DPPA4: variants seen among roughly 807,000 people sequenced by gnomAD.
DPPA4 encodes the protein developmental pluripotency associated 4, also known as developmental pluripotency-associated protein 4.
DPPA4 carries 22 observed loss-of-function variants against 33.7 expected under a neutral mutation model. The observed-to-expected ratio is 0.65, with a 90% CI of 0.47 to 0.93. The LOEUF (loss-of-function observed/expected upper bound fraction) is 0.93, where lower values mean the gene tolerates loss of function less well. DPPA4 is among the 40% of genes least tolerant of loss of function. The pLI, the probability that DPPA4 is intolerant of heterozygous loss-of-function variation, is 0.00. For missense variants in DPPA4, 340 were observed against 358.6 expected (o/e 0.95, Z 0.42); for synonymous variants, 156 against 132.3 (o/e 1.18, Z -1.23).
rs777601172 is a variant in DPPA4 at position 109,330,331 on chromosome 3, A to AAG, written c.679+192_679+193insCT. The AAG allele has an allele frequency of 3.1e-5, 11 of 357,424 alleles. No individual in the cohort carries two copies. In the African/African-American group the frequency reaches 6.3e-4, roughly 21 times the overall value. 22.1% of individuals were successfully genotyped at this position (357,424 alleles called of 1,614,324 possible). The stretch of plus-strand genomic sequence containing the variant: ...AAAAAAAAAAAAAAAAAAAAAAAAA[A>AAG]GGAAAAAAAAAAAAGAAATGCAAAT... On this transcript the variant is annotated intron_variant, in intron 5 of 6. Coordinates refer to ENST00000335658, the MANE Select transcript of DPPA4 (RefSeq NM_018189.4).
In DPPA4 at chr3:109,330,543, T is replaced by C. The variant is rs776736639; in HGVS notation, c.660A>G (p.Glu220=). The change falls in exon 5 of 7, where the codon GAA becomes GAG. Residue 220 remains glutamate (E), a synonymous_variant. Coordinates refer to ENST00000335658, the MANE Select transcript of DPPA4 (RefSeq NM_018189.4). ...GCTTACCAGAGGCCTCTTGTGGAGA[T>C]TCCACTGCCTCTGGTGTCCTCGCCC... is the stretch of plus-strand genomic sequence containing the variant. ...SARARTPEAV[E]SPQEASGVRW... is the part of the protein sequence containing the mutation. The C allele has an allele frequency of 6.2e-7, 1 of 1,613,874 alleles. No individual in the cohort carries two copies. The highest frequency in any genetic ancestry group is 8.5e-7 in the Non-Finnish European group (1 of 1,179,958).
At chr3:109,333,769 T>C (rs1708135537) in intron 2 of DPPA4, 101 bp downstream of exon 2, 2 of 1,419,064 alleles carry the variant, frequency 1.4e-6, no homozygotes, top group East Asian at 2.3e-5. Context: ...ATTTGCACAA[T>C]ACATGATGGA....
chr3:109,335,498 G>A (rs976009486), intron 1 of DPPA4, among the ~76,000 whole-genome samples: 2 of 152,040 alleles, frequency 1.3e-5, no homozygotes, highest in African/African-American at 4.8e-5. Context: ...GTCCAATCTC[G>A]GCTCACTGCA....
chr3:109,327,700 C>T lies in DPPA4; in HGVS notation c.*288G>A, dbSNP rs2107336095. The stretch of plus-strand genomic sequence containing the variant: ...AACAAAAAAAAGCTGCTGCTGAAGT[C>T]ATGTCTATTTTAGAAAAGTAGTATG... On this transcript the variant is annotated 3_prime_UTR_variant, in exon 7 of 7. Transcript: ENST00000335658. 3 of 290,910 alleles carry T rather than the reference C, an allele frequency of 1.0e-5. No individual in the cohort carries two copies. Among genetic ancestry groups the T allele is most frequent in the South Asian group, 7.4e-5 (1 of 13,536 alleles). 18.0% of individuals were successfully genotyped at this position (290,910 alleles called of 1,614,324 possible). A position where few individuals can be genotyped will look rare whatever the true frequency, so the allele number is the denominator to read the frequency against.
chr3:109,332,754 TC>T (rs752154349), intron 2 of DPPA4, among the ~76,000 whole-genome samples: 1 of 152,212 alleles, frequency 6.6e-6, no homozygotes, highest in Non-Finnish European at 1.5e-5. Context: ...CTGCTGTGTT[TC>T]TGTTCATCCC....
At chr3:109,330,883 C>T (rs1559708404) in intron 4 of DPPA4, 71 bp from the exon 5 acceptor site, 3 of 573,068 alleles carry the variant, frequency 5.2e-6, no homozygotes, top group Non-Finnish European at 7.1e-6. Context: ...CTAAGGAGCT[C>T]TTGATCAAAT....
At chr3:109,338,915 G>C (rs1708260971), upstream of DPPA4, among the ~76,000 whole-genome samples, 1 of 152,110 alleles carries the variant, frequency 6.6e-6, no homozygotes, top group African/African-American at 2.4e-5. Flanking sequence ...TTCTGGGCTG[G>C]GCATGGTGGC....
intron 6 of DPPA4, among the ~76,000 whole-genome samples, chr3:109,328,669 C>T (rs946912465): frequency 2.6e-5 from 4 of 152,060 alleles, no homozygotes; most frequent in African/African-American, 9.7e-5. Flanking sequence ...GTTTGTTGCT[C>T]CCAGAATTCT....
intron 4 of DPPA4, 144 bp from the exon 5 acceptor site, chr3:109,330,956 T>C (rs1253401793): frequency 1.2e-6 from 1 of 826,040 alleles, no homozygotes; most frequent in South Asian, 1.9e-5. Context: ...TAACTATACA[T>C]AGTTAATAAC....
intron 2 of DPPA4, among the ~76,000 whole-genome samples, chr3:109,332,392 C>T (rs969532405): frequency 6.6e-6 from 1 of 152,082 alleles, no homozygotes; most frequent in Non-Finnish European, 1.5e-5. Flanking sequence ...TAAGCCACCG[C>T]GCCCAGCCTA....
upstream of DPPA4, among the ~76,000 whole-genome samples, chr3:109,338,808 A>G (rs1455870178): frequency 6.6e-6 from 1 of 151,912 alleles, no homozygotes; most frequent in Non-Finnish European, 1.5e-5. Flanking sequence ...GGTAACCACC[A>G]GTAGGACTTT....
At chr3:109,337,551 T>C, upstream of DPPA4, 2 of 1,610,396 alleles carry the variant, frequency 1.2e-6, no homozygotes, top group Non-Finnish European at 1.7e-6. Flanking sequence ...AAGATTGCTA[T>C]TTGCAAAGTC....
chr3:109,328,873 A>C lies in DPPA4; in HGVS notation c.878+17T>G, dbSNP rs763556822. Reference sequence around the variant, plus strand: ...CGGCACCCACTTTTAGTTTGTAGAAAAGCATCAGGTAATTACCTGTGAACA... The same window carrying C: ...CGGCACCCACTTTTAGTTTGTAGAACAGCATCAGGTAATTACCTGTGAACA... On this transcript the variant is annotated intron_variant, in intron 6 of 6. Transcript: ENST00000335658. 16 of 1,598,212 alleles carry C rather than the reference A, an allele frequency of 1.0e-5. No homozygotes were observed. Among genetic ancestry groups the C allele is most frequent in the Non-Finnish European group, 1.4e-5 (16 of 1,169,498 alleles).
chr3:109,328,793 A>G, intron 6 of DPPA4, 97 bp downstream of exon 6: 1 of 1,120,930 alleles, frequency 8.9e-7, no homozygotes, highest in East Asian at 2.5e-5. Flanking sequence ...TTTGAGCTTG[A>G]AATACCTGGC....
At chr3:109,335,069 T>C (rs543734590) in intron 1 of DPPA4, among the ~76,000 whole-genome samples, 11 of 152,244 alleles carry the variant, frequency 7.2e-5, no homozygotes, top group Non-Finnish European at 1.5e-4. Context: ...GAAAAGTTGT[T>C]TAATCCAGAG....
At chr3:109,336,430 T>C (rs895095069) in intron 1 of DPPA4, 11 of 152,298 alleles carry the variant, frequency 7.2e-5, no homozygotes, top group Admixed American at 2.0e-4. Flanking sequence ...TGCAACGTCT[T>C]AAATCCTCTC....
At chr3:109,328,161 A>G (rs1350579154) in intron 6 of DPPA4, 137 bp from the exon 7 acceptor site, 7 of 638,472 alleles carry the variant, frequency 1.1e-5, no homozygotes, top group Non-Finnish European at 1.9e-5. Flanking sequence ...TGATCCTGTC[A>G]TTCAAGAATG....
chr3:109,330,325 A>AGG, intron 5 of DPPA4, 199 bp downstream of exon 5: 15 of 353,380 alleles, frequency 4.2e-5, no homozygotes, highest in Middle Eastern at 7.4e-4. Flanking sequence ...AAAAAAAAAA[A>AGG]AAAAAAGGAA....
At chr3:109,333,834 G>A (rs755547081) in intron 2 of DPPA4, 36 bp downstream of exon 2, 11 of 1,607,390 alleles carry the variant, frequency 6.8e-6, no homozygotes, top group South Asian at 2.2e-5. Flanking sequence ...TCTAAGACCC[G>A]AGAAGGTGGG....
Sources: allele counts gnomAD v4.1 joint callset (sites outside exome capture counted in the v4.1 genomes callset), GRCh38; gene constraint gnomAD v4.1.1; transcripts MANE v1.5; gene names NCBI Gene and HGNC (gene_info 2026-07-23, HGNC 2026-07-21).